Variants in HEATR5B observed in about 807,000 individuals in gnomAD.
HEATR5B encodes the protein HEAT repeat-containing protein 5B.
In HEATR5B, 156 loss-of-function variants were observed where a neutral mutation model predicts 224.1. The observed-to-expected ratio is 0.70, with a 90% CI of 0.61 to 0.80. The LOEUF is 0.80. HEATR5B is among the 30% of genes least tolerant of loss of function. HEATR5B has a pLI of 0.00. For synonymous variants in HEATR5B, 1,027 were observed against 893.0 expected (o/e 1.15, Z -2.68); for missense variants, 2,323 against 2,535.5 (o/e 0.92, Z 1.80).
chr2:36,994,668 A>G (rs571749760), intron 33 of HEATR5B, among the ~76,000 whole-genome samples: 2 of 152,158 alleles, frequency 1.3e-5, no homozygotes, highest in African/African-American at 4.8e-5. Context: ...TAACATATCA[A>G]AACTTTCCCT....
intron 20 of HEATR5B, 31 bp downstream of exon 20, chr2:37,040,298 T>C: frequency 1.3e-6 from 2 of 1,527,282 alleles, no homozygotes; most frequent in Non-Finnish European, 1.8e-6. Flanking sequence ...ATTATCTAAC[T>C]AGGTTCCTTA....
intron 3 of HEATR5B, among the ~76,000 whole-genome samples, chr2:37,077,689 T>C (rs1672318500): frequency 1.3e-5 from 2 of 152,236 alleles, no homozygotes; most frequent in African/African-American, 4.8e-5. Context: ...ATGTAACACT[T>C]AATGTCAATC....
chr2:37,057,499 G>A lies in HEATR5B; in HGVS notation c.2060-19C>T, dbSNP rs781565438. The stretch of plus-strand genomic sequence containing the variant: ...AAAGATCCTAAAAAACAGAACTTCA[G>A]ATCAGATTAAAAAGAATAATTTTTG... On this transcript the variant is annotated intron_variant, in intron 14 of 35. Transcript: ENST00000233099. 2 of 1,566,158 alleles carry A rather than the reference G, an allele frequency of 1.3e-6. No individual in the cohort carries two copies. Among genetic ancestry groups the A allele is most frequent in the Middle Eastern group, 1.7e-4 (1 of 5,986 alleles).
At chr2:37,014,334 T>C (rs540734792) in intron 26 of HEATR5B, among the ~76,000 whole-genome samples, 1 of 152,046 alleles carries the variant, frequency 6.6e-6, no homozygotes, top group African/African-American at 2.4e-5. Context: ...GCTAATTTTT[T>C]TGTATTTTTA....
chr2:37,058,842 T>C (rs1671074964), intron 13 of HEATR5B, 46 bp downstream of exon 13: 4 of 1,119,192 alleles, frequency 3.6e-6, no homozygotes, highest in Non-Finnish European at 5.3e-6. Context: ...AAGTATATTA[T>C]TAATATATAA....
At chr2:37,082,448 A>G (rs1029424125) in intron 2 of HEATR5B, among the ~76,000 whole-genome samples, 5 of 152,144 alleles carry the variant, frequency 3.3e-5, no homozygotes, top group African/African-American at 4.8e-5. Context: ...AATGTTGGGA[A>G]CTGGCTCCAA....
chr2:37,029,453 C>G (rs892197026), intron 22 of HEATR5B, among the ~76,000 whole-genome samples: 1 of 151,668 alleles, frequency 6.6e-6, no homozygotes, highest in Non-Finnish European at 1.5e-5. Flanking sequence ...CACCTGAGAT[C>G]AGGAGTTCGA....
chr2:37,002,577 G>C lies in HEATR5B; in HGVS notation c.5051-5C>G, dbSNP rs757824577. The C allele has an allele frequency of 1.2e-6, 2 of 1,604,506 alleles. No individual in the cohort carries two copies. Among genetic ancestry groups the C allele is most frequent in the Non-Finnish European group, 1.7e-6 (2 of 1,174,128 alleles). On this transcript the variant is annotated splice_polypyrimidine_tract_variant and splice_region_variant and intron_variant, in intron 31 of 35. Coordinates refer to ENST00000233099, the MANE Select transcript of HEATR5B (RefSeq NM_019024.3). ...CTTTTTCCATATCATCTTCATCTGA[G>C]GTAAAAGATAATTTGGTGAAATTTC...
chr2:37,038,230 C>T (rs1179716896), intron 20 of HEATR5B, among the ~76,000 whole-genome samples: 2 of 152,074 alleles, frequency 1.3e-5, no homozygotes, highest in Non-Finnish European at 2.9e-5. Context: ...ACCTCCGCCT[C>T]CCAGGTTCAA....
At chr2:37,025,751 CAAAG>C (rs1372959953) in intron 24 of HEATR5B, among the ~76,000 whole-genome samples, 7 of 152,012 alleles carry the variant, frequency 4.6e-5, no homozygotes, top group African/African-American at 1.7e-4. Context: ...TTAAGAAATC[CAAAG>C]AAAGAAAGGT....
At chr2:37,037,271 G>C (rs987774957) in intron 21 of HEATR5B, among the ~76,000 whole-genome samples, 1 of 150,664 alleles carries the variant, frequency 6.6e-6, no homozygotes, top group Non-Finnish European at 1.5e-5. Context: ...TCAGCCTCCC[G>C]AATAGCTGGG....
At position 37,005,612 on chromosome 2, in the gene HEATR5B, A is replaced by G. The variant is rs1167159746; in HGVS notation, c.4905+20T>C. Reference sequence around the variant, plus strand: ...TCAAAAAAAAACCACACAAGTATCTATCATAGCAATACACTGTACCTGATC... The same window carrying G: ...TCAAAAAAAAACCACACAAGTATCTGTCATAGCAATACACTGTACCTGATC... On this transcript the variant is annotated intron_variant, in intron 30 of 35. Transcript: ENST00000233099. 5.6e-6 allele frequency: 9 copies of G among 1,609,666 alleles called. No individual in the cohort carries two copies. In the Middle Eastern group the frequency reaches 6.6e-4, roughly 118 times the overall value.
At chr2:37,005,130 AT>A (rs1667330032) in intron 30 of HEATR5B, among the ~76,000 whole-genome samples, 1 of 152,182 alleles carries the variant, frequency 6.6e-6, no homozygotes, top group Non-Finnish European at 1.5e-5. Flanking sequence ...TAACAACCTC[AT>A]GTTCCATTCA....
Position 36,988,886 on chromosome 2 carries a change from T to C in HEATR5B, c.5698-27A>G, listed in dbSNP as rs769925475. 3.3e-6 allele frequency: 5 copies of C among 1,512,500 alleles called. No homozygotes were observed. In the South Asian group the frequency reaches 4.5e-5, roughly 14 times the overall value. The allele number at this position is 1,512,500 out of a possible 1,614,324, so 93.7% of individuals were successfully genotyped here. ...TATATAAGAAGAACATATTATCAAT[T>C]AACATGTGTATAGTTCTTATTTGCT... On this transcript the variant is annotated intron_variant, in intron 34 of 35. Transcript: ENST00000233099.
intron 2 of HEATR5B, among the ~76,000 whole-genome samples, chr2:37,080,977 G>A (rs1037255359): frequency 1.3e-5 from 2 of 152,156 alleles, no homozygotes; most frequent in Non-Finnish European, 2.9e-5. Context: ...TTCATATTAT[G>A]CTTCCTGTTT....
intron 21 of HEATR5B, among the ~76,000 whole-genome samples, chr2:37,034,385 G>A (rs1357459284): frequency 4.2e-5 from 6 of 142,152 alleles, no homozygotes; most frequent in Admixed American, 6.9e-5. Flanking sequence ...AGGCCGAGGC[G>A]GGCGGATCAC....
chr2:37,045,724 T>C (rs1364796587), intron 18 of HEATR5B, among the ~76,000 whole-genome samples: 1 of 152,210 alleles, frequency 6.6e-6, no homozygotes, highest in African/African-American at 2.4e-5. Context: ...TCTAGCTACC[T>C]TGCCTCCCCA....
At chr2:37,074,350 G>A (rs539729512) in intron 5 of HEATR5B, among the ~76,000 whole-genome samples, 66 of 148,646 alleles carry the variant, frequency 4.4e-4, no homozygotes, top group Admixed American at 9.4e-4. Flanking sequence ...AATGGTACTG[G>A]AAGAAGTGGA....
chr2:36,987,604 A>C (rs139736498), intron 35 of HEATR5B, among the ~76,000 whole-genome samples: 1 of 152,190 alleles, frequency 6.6e-6, no homozygotes, highest in African/African-American at 2.4e-5. Context: ...ATTAAACTGC[A>C]TAAGTTTCTG....
Sources: allele counts gnomAD v4.1 joint callset (sites outside exome capture counted in the v4.1 genomes callset), GRCh38; gene constraint gnomAD v4.1.1; transcripts MANE v1.5; gene names NCBI Gene and HGNC (gene_info 2026-07-23, HGNC 2026-07-21).